SMARCA2: variants seen among roughly 807,000 people sequenced by gnomAD.
The protein encoded by SMARCA2 is SWI/SNF-related matrix-associated actin-dependent regulator of chromatin subfamily A member 2.
SMARCA2 carries 61 observed loss-of-function variants against 199.8 expected under a neutral mutation model. The observed-to-expected ratio is 0.31, with a 90% CI of 0.25 to 0.38. SMARCA2 has a LOEUF of 0.38. Ranked by LOEUF, SMARCA2 falls within the 10% of genes least tolerant of loss-of-function variation. The pLI is 1.00. For synonymous variants in SMARCA2, 935 were observed against 732.0 expected, an observed-to-expected ratio of 1.28 and a Z score of -4.48; for missense variants, 1,344 against 2,012.2, an observed-to-expected ratio of 0.67 and a Z score of 6.35.
In SMARCA2 at chr9:2,017,563, CGCGCGCGAGCG is replaced by C. The variant is rs1342870402; in HGVS notation, c.-37+2163_-37+2173del. ...GTGTGGTTGTGAGTGTGTGTGTGTG[CGCGCGCGAGCG>C]GCGGAGAATCAGGAAGTCACAGCAG... On this transcript the variant is annotated intron_variant, in intron 1 of 33. Coordinates refer to ENST00000349721, the MANE Select transcript of SMARCA2 (RefSeq NM_003070.5). This position sits in a 1 kb window ranked among gnomAD's most constrained non-coding sequence, Gnocchi z 8.8. 1.3e-5 allele frequency: 2 copies of C among 152,218 alleles called. No individual in the cohort carries two copies. Among genetic ancestry groups the C allele is most frequent in the African/African-American group, 4.8e-5 (2 of 41,378 alleles). 9.4% of individuals were successfully genotyped at this position (152,218 alleles called of 1,614,324 possible). A position where few individuals can be genotyped will look rare whatever the true frequency, so the allele number is the denominator to read the frequency against.
chr9:2,178,738 C>G lies in SMARCA2; in HGVS notation c.4254-2833C>G, dbSNP rs144340818. On this transcript the variant is annotated intron_variant, in intron 29 of 33. Transcript: ENST00000349721. ...TTTGTTTGTTTAATTTTTTTTTAAC[C>G]TGTAATTTAGGAAAAAAATAAATTA... 1.3e-3 allele frequency among the ~76,000 whole-genome samples: 200 copies of G among 152,096 alleles called. 3 individuals carry two copies. Among genetic ancestry groups the G allele is most frequent in the African/African-American group, 4.5e-3 (186 of 41,488 alleles).
intron 19 of SMARCA2, among the ~76,000 whole-genome samples, chr9:2,088,984 T>C (rs536320391): frequency 3.0e-4 from 45 of 151,730 alleles, no homozygotes; most frequent in African/African-American, 1.0e-3. Context: ...TGGGGACTTG[T>C]ATCATCATTG....
intron 21 of SMARCA2, among the ~76,000 whole-genome samples, chr9:2,101,194 G>T (rs1249199980): frequency 4.6e-5 from 7 of 151,962 alleles, no homozygotes; most frequent in Non-Finnish European, 1.0e-4. Flanking sequence ...ATTCTGATTT[G>T]CTTGTTTTTG....
intron 32 of SMARCA2, among the ~76,000 whole-genome samples, chr9:2,190,137 G>A (rs1233526542): frequency 6.6e-6 from 1 of 152,166 alleles, no homozygotes; most frequent in African/African-American, 2.4e-5. Context: ...ACCTATATTT[G>A]TGATATTGTA....
intron 31 of SMARCA2, among the ~76,000 whole-genome samples, chr9:2,184,576 A>T (rs577235371): frequency 1.1e-4 from 16 of 151,194 alleles, no homozygotes; most frequent in Admixed American, 9.2e-4. Context: ...GCTGGTCTCG[A>T]ACTCCTGACC....
At chr9:2,155,777 A>G (rs1384835111) in intron 27 of SMARCA2, among the ~76,000 whole-genome samples, 1 of 98,614 alleles carries the variant, frequency 1.0e-5, no homozygotes, top group Non-Finnish European at 1.9e-5. Context: ...ATCTGAAGTT[A>G]TTGATCAGTA....
chr9:2,192,272 C>CATTACCATTTTGGTAAA (rs1827938566), intron 33 of SMARCA2: 1 of 174,928 alleles, frequency 5.7e-6, no homozygotes, highest in Non-Finnish European at 1.2e-5. Flanking sequence ...TCCTTCAACA[C>CATTACCATTTTGGTAAA]ATTACCATTT....
At position 2,058,353 on chromosome 9, in the gene SMARCA2, C is replaced by T. The variant is rs563391701; in HGVS notation, c.1410C>T (p.Ala470=). ...KDFKEYHRSV[A]GKIQKLSKAV... ...TTAAGGAATATCATCGGTCTGTGGCCGGAAAGATCCAGAAGCTCTCCAAAG... is the reference window on the plus strand; with the variant it reads ...TTAAGGAATATCATCGGTCTGTGGCTGGAAAGATCCAGAAGCTCTCCAAAG... Residue 470 remains alanine (A), a synonymous_variant, in exon 8 of 34, where the codon GCC becomes GCT. Coordinates refer to ENST00000349721, the MANE Select transcript of SMARCA2 (RefSeq NM_003070.5). 1.7e-5 allele frequency: 27 copies of T among 1,613,950 alleles called. No individual in the cohort carries two copies. Among genetic ancestry groups the T allele is most frequent in the Middle Eastern group, 1.6e-4 (1 of 6,082 alleles).
intron 29 of SMARCA2, among the ~76,000 whole-genome samples, chr9:2,172,246 A>AAC (rs1483093713): frequency 6.6e-6 from 1 of 152,046 alleles, no homozygotes; most frequent in Non-Finnish European, 1.5e-5. Context: ...TGGAAAAAAA[A>AAC]AATGAATTAA....
chr9:2,179,882 G>C (rs56340549), intron 29 of SMARCA2, among the ~76,000 whole-genome samples: 2,129 of 152,294 alleles, frequency 0.014, 43 homozygotes, highest in African/African-American at 0.045. Flanking sequence ...CATTAAGCAA[G>C]TTGCTCTCTA....
At chr9:2,183,375 A>G (rs1373650892) in intron 31 of SMARCA2, among the ~76,000 whole-genome samples, 1 of 152,202 alleles carries the variant, frequency 6.6e-6, no homozygotes, top group Non-Finnish European at 1.5e-5. Context: ...AACAATTCTA[A>G]GAGTATATAA....
intron 31 of SMARCA2, among the ~76,000 whole-genome samples, chr9:2,183,733 C>G (rs1029726042): frequency 3.3e-5 from 5 of 152,268 alleles, no homozygotes; most frequent in Middle Eastern, 6.8e-3. Flanking sequence ...GTCTTGAAAG[C>G]AAGCCTTCTG....
At chr9:2,041,057 C>T (rs929565132) in intron 4 of SMARCA2, 5 of 284,608 alleles carry the variant, frequency 1.8e-5, no homozygotes, top group Non-Finnish European at 3.2e-5. Flanking sequence ...TTGTTGCAAA[C>T]AGCTAGTTTG....
At chr9:2,026,421 T>A (rs1170775024) in intron 1 of SMARCA2, among the ~76,000 whole-genome samples, 2 of 152,326 alleles carry the variant, frequency 1.3e-5, no homozygotes, top group East Asian at 3.9e-4. Flanking sequence ...TTTAATAGTT[T>A]CCTTTAGCAA....
intron 17 of SMARCA2, among the ~76,000 whole-genome samples, chr9:2,084,690 G>A (rs916289155): frequency 2.0e-5 from 3 of 152,052 alleles, no homozygotes; most frequent in Non-Finnish European, 4.4e-5. Flanking sequence ...TTTTGTGGTA[G>A]TCTTGTTTCA....
intron 27 of SMARCA2, among the ~76,000 whole-genome samples, chr9:2,154,548 G>A (rs1825243016): frequency 6.6e-6 from 1 of 152,156 alleles, no homozygotes; most frequent in African/African-American, 2.4e-5. Context: ...CACGATGGGT[G>A]TAGTGACCTT....
At chr9:2,159,515 T>C (rs1367844728) in intron 27 of SMARCA2, 1 of 243,308 alleles carries the variant, frequency 4.1e-6, no homozygotes, top group Admixed American at 5.0e-5. Flanking sequence ...TTAAAATAAA[T>C]TTGAATATTA....
Position 2,119,634 on chromosome 9 carries a change from T to C in SMARCA2, c.3762+99T>C. ...AGCCTGCGTGCCTGGCAGAACTTCA[T>C]ACGTAAAGCCTATGCCTTTCCTTCA... On this transcript the variant is annotated intron_variant, in intron 26 of 33. Coordinates refer to ENST00000349721, the MANE Select transcript of SMARCA2 (RefSeq NM_003070.5). This position sits in a 1 kb window ranked among gnomAD's most constrained non-coding sequence, Gnocchi z 4.6. 1.3e-6 allele frequency: 1 copy of C among 781,988 alleles called. No individual in the cohort carries two copies. Among genetic ancestry groups the C allele is most frequent in the Non-Finnish European group, 2.2e-6 (1 of 455,332 alleles). The allele number at this position is 781,988 out of a possible 1,614,324, so 48.4% of individuals were successfully genotyped here. A position where few individuals can be genotyped will look rare whatever the true frequency, so the allele number is the denominator to read the frequency against.
rs191253033 is a variant in SMARCA2 at position 2,076,526 on chromosome 9, C to T, written c.2036+197C>T. 2.0e-5 allele frequency among the ~76,000 whole-genome samples: 3 copies of T among 151,246 alleles called. No individual in the cohort carries two copies. The East Asian group carries it at 5.9e-4, about 30-fold the overall frequency. ...CGTGTTGATTCTCCATCCCTCCCTC[C>T]CTTCCTTCCTTCCCTTTCTTCCCTT... is the stretch of plus-strand genomic sequence containing the variant. On this transcript the variant is annotated intron_variant, in intron 13 of 33. Coordinates refer to ENST00000349721, the MANE Select transcript of SMARCA2 (RefSeq NM_003070.5).
Sources: gnomAD v4.1 joint callset for allele counts (sites outside exome capture counted in the v4.1 genomes callset) on GRCh38, gnomAD v4.1.1 for gene constraint, Gnocchi (gnomAD v3.1) non-coding constraint, MANE v1.5 for transcripts, NCBI Gene and HGNC (gene_info 2026-07-23, HGNC 2026-07-21) for gene names.